KARS1: variants seen among roughly 807,000 people sequenced by gnomAD.
KARS1 encodes lysine--tRNA ligase.
Under a neutral mutation model 63.9 loss-of-function variants are expected in KARS1, and 50 were observed. The observed-to-expected ratio is 0.78, with a 90% CI of 0.62 to 0.99. The LOEUF is 0.99. Among genes scored for constraint, KARS1 ranks in the 50% least tolerant of loss-of-function variants. The pLI, the probability that KARS1 is intolerant of heterozygous loss-of-function variation, is 0.00. For synonymous variants in KARS1, 320 were observed against 264.6 expected, an observed-to-expected ratio of 1.21 and a Z score of -2.03; for missense variants, 816 against 754.5, an observed-to-expected ratio of 1.08 and a Z score of -0.95.
intron 7 of KARS1, 132 bp downstream of exon 7, chr16:75,634,041 C>G (rs1227110129): frequency 3.2e-6 from 3 of 936,350 alleles, no homozygotes; most frequent in Non-Finnish European, 1.7e-6. Context: ...CATCCACACA[C>G]CTGACCCATC....
At position 75,628,568 on chromosome 16, in the gene KARS1, C is replaced by A. The variant is rs771615020; in HGVS notation, c.1695+1G>T. 6.2e-7 allele frequency: 1 copy of A among 1,613,676 alleles called. No homozygotes were observed. Among genetic ancestry groups the A allele is most frequent in the South Asian group, 1.1e-5 (1 of 91,058 alleles). On this transcript the variant is annotated splice_donor_variant, in intron 13 of 13. Transcript: ENST00000302445. LOFTEE classifies it high-confidence loss of function. ...GTGCTCTGTGGAGGGTTGCTACGTA[C>A]CTTGATGTTGTTGGAGTCCGTGAGA...
chr16:75,632,325 T>C (rs1446719687), intron 7 of KARS1, among the ~76,000 whole-genome samples: 1 of 152,216 alleles, frequency 6.6e-6, no homozygotes, highest in East Asian at 1.9e-4. Flanking sequence ...TATACCCTTG[T>C]AGTGTGGATA....
intron 1 of KARS1, among the ~76,000 whole-genome samples, chr16:75,644,738 C>T (rs1467617021): frequency 6.6e-6 from 1 of 152,222 alleles, no homozygotes; most frequent in Non-Finnish European, 1.5e-5. Flanking sequence ...TTGCTCACAA[C>T]ATCCTAGAAT....
chr16:75,646,709 C>T (rs117100154), intron 1 of KARS1, among the ~76,000 whole-genome samples: 3,070 of 151,870 alleles, frequency 0.02, 48 homozygotes, highest in Non-Finnish European at 0.032. Context: ...TGCAGTGGCA[C>T]GACTTCAGCA....
rs568709499 is a variant in KARS1, at chr16:75,631,673, T to G, written c.1078+20A>C. On this transcript the variant is annotated intron_variant, in intron 8 of 13. Transcript: ENST00000302445. ...CAGCATACCAACCACCCGATGAGTA[T>G]GAGAGAGAGCAGGAGTCACCTGAAA... 3.1e-5 allele frequency: 50 copies of G among 1,614,028 alleles called. No homozygotes were observed. Among genetic ancestry groups the G allele is most frequent in the Non-Finnish European group, 6.8e-6 (8 of 1,179,988 alleles).
chr16:75,644,379 G>A, intron 1 of KARS1: 1 of 1,612,610 alleles, frequency 6.2e-7, no homozygotes, highest in Non-Finnish European at 8.5e-7. Context: ...TGCCCAGGAG[G>A]TTTTGCGCAG....
intron 7 of KARS1, among the ~76,000 whole-genome samples, chr16:75,633,603 C>T (rs558391977): frequency 2.6e-5 from 4 of 151,394 alleles, no homozygotes; most frequent in Admixed American, 2.6e-4. Flanking sequence ...CTGCAACCTC[C>T]GCCTCCCGGG....
chr16:75,640,063 T>C (rs1159750694), intron 3 of KARS1, 121 bp downstream of exon 3: 1 of 818,832 alleles, frequency 1.2e-6, no homozygotes, highest in Non-Finnish European at 2.2e-6. Flanking sequence ...CTGTCCTTAG[T>C]AAAGTAGCTT....
Position 75,641,719 on chromosome 16 carries a change from G to A in KARS1, c.67C>T (p.Leu23=), listed in dbSNP as rs778923979. ...TTCTCAGCTTTCAGGCGTCTCTTCA[G>A]CTCACTGTTGGAAAGATGAAAGCGT... The part of the protein sequence containing the change: ...GSEPKLSKNE[L]KRRLKAEKKV... Residue 23 remains leucine (L), a synonymous_variant, in exon 2 of 14, where the codon CTG becomes TTG. Coordinates refer to ENST00000302445, the MANE Select transcript of KARS1 (RefSeq NM_005548.3). 58 of 1,613,550 alleles carry A rather than the reference G, an allele frequency of 3.6e-5. No individual in the cohort carries two copies. The highest frequency in any genetic ancestry group is 4.8e-5 in the Non-Finnish European group (57 of 1,180,016).
At chr16:75,629,730 C>G (rs889234803) in intron 11 of KARS1, among the ~76,000 whole-genome samples, 189 bp from the exon 12 acceptor site, 1 of 152,166 alleles carries the variant, frequency 6.6e-6, no homozygotes, top group Non-Finnish European at 1.5e-5. Flanking sequence ...CTTGAGTAGC[C>G]GGGATCACAG....
intron 6 of KARS1, 166 bp downstream of exon 6, chr16:75,635,513 TC>T (rs2082151886): frequency 1.3e-6 from 1 of 784,738 alleles, no homozygotes; most frequent in African/African-American, 1.7e-5. Context: ...GGTCCTGCCT[TC>T]CTAATCAGGA....
At chr16:75,647,360 A>C in intron 1 of KARS1, 1 of 638,612 alleles carries the variant, frequency 1.6e-6, no homozygotes, top group Non-Finnish European at 2.8e-6. Context: ...TATGATAGGG[A>C]GCATCCCGCC....
Position 75,635,945 on chromosome 16 carries a change from C to G in KARS1, c.636G>C (p.Met212Ile). The change falls in exon 5 of 14, where the codon ATG (methionine) becomes ATC (isoleucine). Residue 212 changes from methionine (M) to isoleucine (I), a missense_variant. Physicochemically the swap from Met to Ile is conservative, Grantham distance 10. Transcript: ENST00000302445. ...TGAGGCCAAAGTGAAGATGAGGTAA[C>G]ATATGCAAACAGGGAGACAGCAGTG... The part of the protein sequence containing the change: ...EITLLSPCLH[M>I]LPHLHFGLKD... 2 of 1,614,174 alleles carry G rather than the reference C, an allele frequency of 1.2e-6. No homozygotes were observed. The highest frequency in any genetic ancestry group is 1.7e-6 in the Non-Finnish European group (2 of 1,180,026).
intron 12 of KARS1, 147 bp from the exon 13 acceptor site, chr16:75,628,859 T>C: frequency 1.2e-6 from 1 of 840,496 alleles, no homozygotes; most frequent in Non-Finnish European, 2.0e-6. Flanking sequence ...CATTTCCTAG[T>C]AACTCCAAGA....
chr16:75,635,488 T>G (rs1013225514), intron 6 of KARS1, 192 bp downstream of exon 6: 3 of 668,380 alleles, frequency 4.5e-6, no homozygotes, highest in African/African-American at 3.6e-5. Context: ...ACCTTGTCCA[T>G]TATCTTGGAA....
chr16:75,635,678 A>C lies in KARS1; in HGVS notation c.795+2T>G. On this transcript the variant is annotated splice_donor_variant, in intron 6 of 13. Transcript: ENST00000302445. LOFTEE classifies it high-confidence loss of function. The stretch of plus-strand genomic sequence containing the variant: ...TCACGTCAGGCAAGGAACTCTCCTT[A>C]CCTCTAGGAATCCCAGCTCATCTAA... The C allele has an allele frequency of 6.2e-7, 1 of 1,613,670 alleles. No homozygotes were observed. The highest frequency in any genetic ancestry group is 8.5e-7 in the Non-Finnish European group (1 of 1,179,804).
chr16:75,643,639 A>G (rs1022275928), intron 1 of KARS1, among the ~76,000 whole-genome samples: 2 of 152,288 alleles, frequency 1.3e-5, no homozygotes, highest in Middle Eastern at 3.4e-3. Flanking sequence ...TTGGCCTCCC[A>G]AAGTGCTGGG....
Position 75,630,601 on chromosome 16 carries a change from G to T in KARS1, c.1339-93C>A, listed in dbSNP as rs574871634. ...AGAAGATCTCAGCTCCCATCCAGATGGGTTTATCCTATAGCTTTTTATTTA... is the reference window on the plus strand; with the variant it reads ...AGAAGATCTCAGCTCCCATCCAGATTGGTTTATCCTATAGCTTTTTATTTA... On this transcript the variant is annotated intron_variant, in intron 10 of 13. Transcript: ENST00000302445. 5.3e-4 allele frequency: 392 copies of T among 745,108 alleles called. 1 individual carries two copies. The African/African-American group carries it at 6.2e-3, about 12-fold the overall frequency. The allele number at this position is 745,108 out of a possible 1,614,324, so 46.2% of individuals were successfully genotyped here.
rs1314014506 is a variant in KARS1 at position 75,647,560 on chromosome 16, A to G, written c.62+18T>C. On this transcript the variant is annotated intron_variant, in intron 1 of 13. Coordinates refer to ENST00000302445, the MANE Select transcript of KARS1 (RefSeq NM_005548.3). ...CTCTCCTACCGCAAAGGCTTTAAAG[A>G]CTCGCAGCGACACTCACTTCTTGCT... 5.0e-6 allele frequency: 8 copies of G among 1,611,020 alleles called. No individual in the cohort carries two copies. Among genetic ancestry groups the G allele is most frequent in the Non-Finnish European group, 6.8e-6 (8 of 1,178,204 alleles).
Sources: allele counts gnomAD v4.1 joint callset (sites outside exome capture counted in the v4.1 genomes callset), GRCh38; gene constraint gnomAD v4.1.1; transcripts MANE v1.5; gene names NCBI Gene and HGNC (gene_info 2026-07-23, HGNC 2026-07-21).